Variants in CCDC59 observed in about 807,000 individuals in gnomAD.
CCDC59 encodes the protein thyroid transcription factor 1-associated protein 26.
CCDC59 carries 27 observed loss-of-function variants against 30.5 expected under a neutral mutation model. The observed-to-expected ratio is 0.89, with a 90% confidence interval of 0.65 to 1.22. The LOEUF (loss-of-function observed/expected upper bound fraction) is 1.22, where lower values mean the gene tolerates loss of function less well. Among genes scored for constraint, CCDC59 ranks in the 50% most tolerant of loss-of-function variants. The pLI, the probability that CCDC59 is intolerant of heterozygous loss-of-function variation, is 0.00. For missense variants in CCDC59, 362 were observed against 284.4 expected (o/e 1.27, Z -1.96); for synonymous variants, 125 against 100.9 (o/e 1.24, Z -1.43).
In CCDC59 at chr12:82,352,805, A is replaced by C. The variant is rs1214853415; in HGVS notation, c.*346T>G. On this transcript the variant is annotated 3_prime_UTR_variant, in exon 4 of 4. Transcript: ENST00000256151. Reference sequence around the variant, plus strand: ...CAACGTAACTGTTTACTAAATTGAAATATTTCATTGAAATGCTTCATTGAT... The same window carrying C: ...CAACGTAACTGTTTACTAAATTGAACTATTTCATTGAAATGCTTCATTGAT... 3.1e-5 allele frequency: 5 copies of C among 161,728 alleles called. No homozygotes were observed. The highest frequency in any genetic ancestry group is 7.2e-5 in the African/African-American group (3 of 41,782). 10.0% of individuals were successfully genotyped at this position (161,728 alleles called of 1,614,324 possible).
intron 2 of CCDC59, chr12:82,355,805 C>T (rs2136748577): frequency 6.6e-6 from 1 of 152,224 alleles, no homozygotes; most frequent in Non-Finnish European, 1.5e-5. Context: ...TTCTCTTTCT[C>T]CAGTCCTGAA....
intron 3 of CCDC59, 40 bp downstream of exon 3, chr12:82,354,455 T>C (rs1880938424): frequency 6.8e-7 from 1 of 1,471,272 alleles, no homozygotes; most frequent in African/African-American, 1.4e-5. Flanking sequence ...TTAGGATAAA[T>C]AAGAAAAACT....
At chr12:82,358,169 T>C (rs534737471) in intron 1 of CCDC59, 54 bp downstream of exon 1, 40 of 1,603,264 alleles carry the variant, frequency 2.5e-5, no homozygotes, top group Middle Eastern at 1.7e-4. Context: ...GCGAATCTTA[T>C]ATCCTAAAAC....
chr12:82,357,703 AAGAC>A (rs1209463135), intron 1 of CCDC59, among the ~76,000 whole-genome samples: 3 of 152,366 alleles, frequency 2.0e-5, no homozygotes, highest in African/African-American at 7.2e-5. Flanking sequence ...ACGAAAGAAA[AAGAC>A]AGTGTATGGT....
At chr12:82,353,412 T>C (rs1592551372) in intron 3 of CCDC59, 100 bp from the exon 4 acceptor site, 1 of 919,824 alleles carries the variant, frequency 1.1e-6, no homozygotes, top group East Asian at 2.6e-5. Flanking sequence ...ACTCTAAGGT[T>C]TGTCTCTTCT....
upstream of CCDC59, chr12:82,358,515 G>A (rs201508808): frequency 1.8e-5 from 29 of 1,597,988 alleles, no homozygotes; most frequent in East Asian, 5.8e-4. Context: ...GGGCCGAGCT[G>A]GCGCCTCACG....
rs1204960992 is a variant in CCDC59 at position 82,352,884 on chromosome 12, CA to C, written c.*266del. 1.1e-5 allele frequency: 3 copies of C among 263,218 alleles called. No homozygotes were observed. Among genetic ancestry groups the C allele is most frequent in the African/African-American group, 6.6e-5 (3 of 45,370 alleles). 16.3% of individuals were successfully genotyped at this position (263,218 alleles called of 1,614,324 possible). A position where few individuals can be genotyped will look rare whatever the true frequency, so the allele number is the denominator to read the frequency against. On this transcript the variant is annotated 3_prime_UTR_variant, in exon 4 of 4. Transcript: ENST00000256151. Reference sequence around the variant, plus strand: ...TATTTCATATAAATCTCATATGGTACAAAAGTATTACATGCTTGGGCCTGTC... The same window carrying C: ...TATTTCATATAAATCTCATATGGTACAAAGTATTACATGCTTGGGCCTGTC...
At position 82,358,258 on chromosome 12, in the gene CCDC59, T is replaced by G. The variant is rs79245219; in HGVS notation, c.119A>C (p.Asn40Thr). 0.032 allele frequency: 52,105 copies of G among 1,614,140 alleles called. 938 individuals carry two copies. Among genetic ancestry groups the G allele is most frequent in the Middle Eastern group, 0.04 (241 of 6,062 alleles). ...KNVRQKTWRP[N>T]HPQAFVGSVR... ...GCTCCCCACGAAGGCTTGCGGGTGG[T>G]TAGGCCGCCATGTCTTCTGTCTCAC... Residue 40 changes from asparagine (N) to threonine (T), a missense_variant, in exon 1 of 4, where the codon AAC becomes ACC. Coordinates refer to ENST00000256151, the MANE Select transcript of CCDC59 (RefSeq NM_014167.5).
At chr12:82,354,300 T>C (rs926559404) in intron 3 of CCDC59, among the ~76,000 whole-genome samples, 195 bp downstream of exon 3, 1 of 152,070 alleles carries the variant, frequency 6.6e-6, no homozygotes, top group African/African-American at 2.4e-5. Context: ...GACCTACTAG[T>C]ATTGCTTGAC....
upstream of CCDC59, chr12:82,358,449 C>A (rs1881247249): frequency 6.2e-7 from 1 of 1,604,690 alleles, no homozygotes; most frequent in Admixed American, 1.7e-5. Flanking sequence ...CCGAAGCAAT[C>A]AATCGCTCAG....
intron 2 of CCDC59, chr12:82,354,795 T>C: frequency 5.1e-6 from 2 of 391,024 alleles, no homozygotes; most frequent in Non-Finnish European, 8.9e-6. Flanking sequence ...TTAAAAGTAA[T>C]GAAACCAGTA....
rs774729732 is a variant in CCDC59 at position 82,357,072 on chromosome 12, G to C, written c.352C>G (p.Gln118Glu). Residue 118 changes from glutamine to glutamate, a missense_variant, in exon 2 of 4, where the codon CAA becomes GAA. Gln to Glu is a conservative substitution (Grantham distance 29, BLOSUM62 2). Transcript: ENST00000256151. Reference sequence around the variant, plus strand: ...TCTTCAAGCAACGGCTGGTGAACTTGTTCTGACAAAGGATGGTCGACTTTT... The same window carrying C: ...TCTTCAAGCAACGGCTGGTGAACTTCTTCTGACAAAGGATGGTCGACTTTT... ...ARKVDHPLSE[Q>E]VHQPLLEEQC... 4.3e-6 allele frequency: 7 copies of C among 1,614,198 alleles called. No homozygotes were observed. Among genetic ancestry groups the C allele is most frequent in the Non-Finnish European group, 5.9e-6 (7 of 1,180,018 alleles).
chr12:82,357,035 A>G lies in CCDC59; in HGVS notation c.389T>C (p.Ile130Thr), dbSNP rs1881066466. The change falls in exon 2 of 4, where the codon ATT becomes ACT. Residue 130 changes from isoleucine (I) to threonine (T), a missense_variant. Ile to Thr is a moderately conservative substitution (Grantham distance 89). Coordinates refer to ENST00000256151, the MANE Select transcript of CCDC59 (RefSeq NM_014167.5). Reference protein sequence around the residue: ...HQPLLEEQCSIDEPLFEDQCS... With the variant: ...HQPLLEEQCSTDEPLFEDQCS... ...CTGATCTTCAAATAAAGGCTCGTCA[A>G]TGCTACACTGTTCTTCAAGCAACGG... is the stretch of plus-strand genomic sequence containing the variant. The G allele has an allele frequency of 6.2e-7, 1 of 1,614,206 alleles. No homozygotes were observed. Among genetic ancestry groups the G allele is most frequent in the Non-Finnish European group, 8.5e-7 (1 of 1,180,022 alleles).
At position 82,358,336 on chromosome 12, in the gene CCDC59, C is replaced by A; in HGVS notation, c.41G>T (p.Gly14Val). 6.2e-7 allele frequency: 1 copy of A among 1,614,036 alleles called. No individual in the cohort carries two copies. The highest frequency in any genetic ancestry group is 8.5e-7 in the Non-Finnish European group (1 of 1,180,032). ...VRRSAKWRPG[G>V]IEARGEGVST... Reference sequence around the variant, plus strand: ...AACCCCTTCACCACGCGCCTCAATACCACCAGGCCGCCACTTCGCGGACCG... The same window carrying A: ...AACCCCTTCACCACGCGCCTCAATAACACCAGGCCGCCACTTCGCGGACCG... The change falls in exon 1 of 4, where the codon GGT (glycine) becomes GTT (valine). Residue 14 changes from glycine (G) to valine (V), a missense_variant. Physicochemically the swap from Gly to Val is moderately radical, Grantham distance 109. Coordinates refer to ENST00000256151, the MANE Select transcript of CCDC59 (RefSeq NM_014167.5).
Position 82,353,297 on chromosome 12 carries a change from T to C in CCDC59, c.580A>G (p.Lys194Glu). ...AAKKQEFERR[K>E]QEREEAQRQY... ...CTTTGGGCTTCTTCTCTCTCCTGTT[T>C]TCTCCTCTCGAATTCCTAAAATTAT... Residue 194 changes from lysine to glutamate, a missense_variant, in exon 4 of 4, where the codon AAA becomes GAA. Coordinates refer to ENST00000256151, the MANE Select transcript of CCDC59 (RefSeq NM_014167.5). 1 of 1,602,402 alleles carries C rather than the reference T, an allele frequency of 6.2e-7. No homozygotes were observed. Among genetic ancestry groups the C allele is most frequent in the South Asian group, 1.1e-5 (1 of 88,254 alleles).
chr12:82,354,411 G>C, intron 3 of CCDC59, 84 bp downstream of exon 3: 1 of 1,008,900 alleles, frequency 9.9e-7, no homozygotes, highest in Non-Finnish European at 1.4e-6. Flanking sequence ...TGTGTGCCCA[G>C]CACCAAGAAG....
chr12:82,354,683 T>C (rs1008441391), intron 2 of CCDC59, 89 bp from the exon 3 acceptor site: 3 of 1,160,530 alleles, frequency 2.6e-6, no homozygotes, highest in Non-Finnish European at 3.4e-6. Context: ...TAAGAGTATA[T>C]ATTAAATAAA....
chr12:82,358,276 T>C lies in CCDC59; in HGVS notation c.101A>G (p.Gln34Arg), dbSNP rs1190348308. 1 of 1,614,204 alleles carries C rather than the reference T, an allele frequency of 6.2e-7. No homozygotes were observed. The highest frequency in any genetic ancestry group is 8.5e-7 in the Non-Finnish European group (1 of 1,180,018). Residue 34 changes from glutamine to arginine, a missense_variant, in exon 1 of 4, where the codon CAG (glutamine) becomes CGG (arginine). Gln to Arg is a conservative substitution (Grantham distance 43). Transcript: ENST00000256151. ...CGGGTGGTTAGGCCGCCATGTCTTC[T>C]GTCTCACATTCTTATTCCTGTACCC... ...TVGYRNKNVR[Q>R]KTWRPNHPQA... is the part of the protein sequence containing the mutation.
At position 82,353,089 on chromosome 12, in the gene CCDC59, A is replaced by G. The variant is rs981806780; in HGVS notation, c.*62T>C. 9 of 1,322,628 alleles carry G rather than the reference A, an allele frequency of 6.8e-6. No homozygotes were observed. The highest frequency in any genetic ancestry group is 9.4e-6 in the Non-Finnish European group (9 of 960,448). The allele number at this position is 1,322,628 out of a possible 1,614,324, so 81.9% of individuals were successfully genotyped here. The stretch of plus-strand genomic sequence containing the variant: ...TCGACAAATTTAGTTCACTGCTGGG[A>G]GGCACATGTCACAGAAGAACCTAAT... On this transcript the variant is annotated 3_prime_UTR_variant, in exon 4 of 4. Transcript: ENST00000256151.
Sources: allele counts gnomAD v4.1 joint callset (sites outside exome capture counted in the v4.1 genomes callset), GRCh38; gene constraint gnomAD v4.1.1; transcripts MANE v1.5; gene names NCBI Gene and HGNC (gene_info 2026-07-23, HGNC 2026-07-21).